The following CREB3L2 variants were observed in gnomAD, a reference collection of about 807,000 sequenced individuals.
CREB3L2 encodes cyclic AMP-responsive element-binding protein 3-like protein 2.
Under a neutral mutation model 57.2 loss-of-function variants are expected in CREB3L2, and 23 were observed. The ratio of observed to expected loss-of-function variants is 0.40; its 90% CI spans 0.29 to 0.57. CREB3L2 has a LOEUF of 0.57. Ranked by LOEUF, CREB3L2 falls within the 20% of genes least tolerant of loss-of-function variation. The pLI is 0.42. For synonymous variants in CREB3L2, 268 were observed against 265.1 expected (o/e 1.01, Z -0.11); for missense variants, 628 against 634.7 (o/e 0.99, Z 0.11).
chr7:137,991,741 T>C (rs1801901608), intron 1 of CREB3L2, among the ~76,000 whole-genome samples: 1 of 151,798 alleles, frequency 6.6e-6, no homozygotes, highest in African/African-American at 2.4e-5. Flanking sequence ...ACTCTGTCTC[T>C]ACTAAAAATA....
chr7:137,906,052 C>G (rs1172738260), intron 5 of CREB3L2, among the ~76,000 whole-genome samples: 2 of 152,038 alleles, frequency 1.3e-5, no homozygotes, highest in Non-Finnish European at 2.9e-5. Context: ...AGTGTTATAA[C>G]CTAGGGATTA....
At chr7:137,978,003 C>T (rs886352170) in intron 1 of CREB3L2, among the ~76,000 whole-genome samples, 1 of 151,970 alleles carries the variant, frequency 6.6e-6, no homozygotes, top group Non-Finnish European at 1.5e-5. Flanking sequence ...TCCAAAAGTG[C>T]CTTACAATTC....
intron 1 of CREB3L2, among the ~76,000 whole-genome samples, chr7:137,972,456 C>T (rs1801523003): frequency 6.8e-6 from 1 of 147,934 alleles, no homozygotes; most frequent in African/African-American, 2.6e-5. Context: ...CAAAACAAAA[C>T]AAAACAGAGA....
intron 1 of CREB3L2, among the ~76,000 whole-genome samples, chr7:137,930,697 C>T (rs1017045741): frequency 1.3e-5 from 2 of 152,156 alleles, no homozygotes; most frequent in Non-Finnish European, 2.9e-5. Context: ...AGGACTTGGG[C>T]ATGTCCTATA....
intron 1 of CREB3L2, among the ~76,000 whole-genome samples, chr7:137,966,083 T>C (rs911502998): frequency 6.6e-6 from 1 of 152,088 alleles, no homozygotes; most frequent in East Asian, 1.9e-4. Flanking sequence ...TGTTCACTGA[T>C]GGCATCAAGG....
chr7:137,950,567 GT>G (rs1412657984), intron 1 of CREB3L2, among the ~76,000 whole-genome samples: 1 of 152,138 alleles, frequency 6.6e-6, no homozygotes, highest in Non-Finnish European at 1.5e-5. Context: ...GATTTGGTTT[GT>G]TTGGGGTGGG....
intron 8 of CREB3L2, among the ~76,000 whole-genome samples, chr7:137,890,705 C>G (rs781618498): frequency 1.3e-5 from 2 of 152,144 alleles, no homozygotes; most frequent in Non-Finnish European, 2.9e-5. Flanking sequence ...TATGGGAAAG[C>G]CTGTGACCTC....
At chr7:137,987,917 T>C (rs777722673) in intron 1 of CREB3L2, among the ~76,000 whole-genome samples, 4 of 152,200 alleles carry the variant, frequency 2.6e-5, no homozygotes, top group Non-Finnish European at 5.9e-5. Context: ...ACTGACATAA[T>C]GTGATAAAAA....
At chr7:137,887,380 C>A (rs1025953780) in intron 8 of CREB3L2, among the ~76,000 whole-genome samples, 6 of 152,070 alleles carry the variant, frequency 3.9e-5, no homozygotes, top group African/African-American at 1.2e-4. Flanking sequence ...TTGGAGCAGC[C>A]CTCAGCACAC....
chr7:137,959,847 C>T (rs1801288107), intron 1 of CREB3L2, among the ~76,000 whole-genome samples: 1 of 152,206 alleles, frequency 6.6e-6, no homozygotes, highest in Admixed American at 6.6e-5. Context: ...AATGTAATTA[C>T]TGGTTCACCA....
chr7:137,908,305 C>G lies in CREB3L2; in HGVS notation c.715G>C (p.Ala239Pro). Residue 239 changes from alanine to proline, a missense_variant, in exon 5 of 12, where the codon GCA (alanine) becomes CCA (proline). Ala to Pro is a conservative substitution (Grantham distance 27). Coordinates refer to ENST00000330387, the MANE Select transcript of CREB3L2 (RefSeq NM_194071.4). ...GAGAGGGCGGAGGGGGCCCGGGGTG[C>G]AGCTCTGGAGGGGCTGTGGGTCTGA... ...LPQTHSPSRA[A>P]PRAPSALSSS... is the part of the protein sequence containing the mutation. 3 of 1,257,186 alleles carry G rather than the reference C, an allele frequency of 2.4e-6. No homozygotes were observed. In the South Asian group the frequency reaches 1.1e-4, roughly 48 times the overall value. 77.9% of individuals were successfully genotyped at this position (1,257,186 alleles called of 1,614,324 possible). A position where few individuals can be genotyped will look rare whatever the true frequency, so the allele number is the denominator to read the frequency against.
intron 3 of CREB3L2, among the ~76,000 whole-genome samples, chr7:137,915,391 C>T (rs1240387176): frequency 6.6e-6 from 1 of 151,912 alleles, no homozygotes; most frequent in Admixed American, 6.6e-5. Flanking sequence ...TGGGACATTC[C>T]TGACTTGAGT....
intron 1 of CREB3L2, among the ~76,000 whole-genome samples, chr7:137,990,650 C>A (rs2117327358): frequency 6.6e-6 from 1 of 152,282 alleles, no homozygotes; most frequent in South Asian, 2.1e-4. Context: ...ACCTTTAAAA[C>A]TCTATGATTG....
intron 1 of CREB3L2, among the ~76,000 whole-genome samples, chr7:137,995,628 C>A (rs1321476081): frequency 6.6e-6 from 1 of 152,168 alleles, no homozygotes; most frequent in African/African-American, 2.4e-5. Flanking sequence ...CCACCGCGCC[C>A]GGCCAGGGGC....
intron 1 of CREB3L2, chr7:137,935,768 A>C (rs1258959268): frequency 6.6e-6 from 1 of 152,006 alleles, no homozygotes; most frequent in African/African-American, 2.4e-5. Flanking sequence ...AGTTATAAAT[A>C]AGTGCCTTCA....
intron 2 of CREB3L2, among the ~76,000 whole-genome samples, chr7:137,921,781 T>G (rs1181255923): frequency 6.6e-6 from 1 of 152,074 alleles, no homozygotes; most frequent in Admixed American, 6.5e-5. Context: ...CAGTTATATA[T>G]GAAAGGTTAA....
chr7:137,995,864 T>C (rs1801981876), intron 1 of CREB3L2, among the ~76,000 whole-genome samples: 1 of 152,232 alleles, frequency 6.6e-6, no homozygotes, highest in African/African-American at 2.4e-5. Context: ...TATAAAACTC[T>C]GTACTGCCCT....
intron 1 of CREB3L2, among the ~76,000 whole-genome samples, chr7:137,993,417 C>T (rs1308069372): frequency 6.6e-6 from 1 of 152,178 alleles, no homozygotes; most frequent in Non-Finnish European, 1.5e-5. Context: ...CTAATCAAAA[C>T]AAGAAAAGAT....
At chr7:137,943,965 C>G (rs557130372) in intron 1 of CREB3L2, among the ~76,000 whole-genome samples, 38 of 152,260 alleles carry the variant, frequency 2.5e-4, no homozygotes, top group Middle Eastern at 3.4e-3. Flanking sequence ...AGCATTCATG[C>G]AAAATGCAGC....
Sources: allele counts gnomAD v4.1 joint callset (sites outside exome capture counted in the v4.1 genomes callset), GRCh38; gene constraint gnomAD v4.1.1; transcripts MANE v1.5; gene names NCBI Gene and HGNC (gene_info 2026-07-23, HGNC 2026-07-21).